Variants in KAZN observed in about 807,000 individuals in gnomAD.
The protein encoded by KAZN is kazrin.
Under a neutral mutation model 87.4 loss-of-function variants are expected in KAZN, and 40 were observed. That is an observed-to-expected ratio of 0.46 (90% confidence interval 0.36 to 0.60). The LOEUF (loss-of-function observed/expected upper bound fraction) is 0.60. KAZN is among the 20% of genes least tolerant of loss of function. The pLI is 0.00. For synonymous variants in KAZN, 466 were observed against 458.3 expected (o/e 1.02, Z -0.22); for missense variants, 898 against 1,073.9 (o/e 0.84, Z 2.29).
At chr1:14,988,680 G>A (rs7531035) in intron 2 of KAZN, among the ~76,000 whole-genome samples, 21,819 of 152,208 alleles carry the variant, frequency 0.14, 1,705 homozygotes, top group Middle Eastern at 0.17. Context: ...ATCTGTTTGG[G>A]CTGGGGCTGT....
intron 2 of KAZN, among the ~76,000 whole-genome samples, chr1:14,266,540 T>C (rs1303120131): frequency 3.3e-5 from 5 of 152,204 alleles, no homozygotes; most frequent in Non-Finnish European, 5.9e-5. Flanking sequence ...AATACCAAAT[T>C]GAAATAAATG....
rs148330510 is a variant in KAZN, at chr1:14,965,427, C to G, written c.418+4552C>G. Among the ~76,000 whole-genome samples, 350 of 152,204 alleles carry G rather than the reference C, an allele frequency of 2.3e-3. 2 individuals carry two copies. The highest frequency in any genetic ancestry group is 8.1e-3 in the African/African-American group (335 of 41,518). ...GGGGTGTCTGTTGATTTCCTCAGGC[C>G]TCCTCAATTTCATGATTTCTCCGCG... On this transcript the variant is annotated intron_variant, in intron 2 of 14. Coordinates refer to ENST00000376030, the MANE Select transcript of KAZN (RefSeq NM_201628.3).
At chr1:13,996,553 C>T (rs1639526453) in intron 1 of KAZN, among the ~76,000 whole-genome samples, 1 of 152,210 alleles carries the variant, frequency 6.6e-6, no homozygotes, top group South Asian at 2.1e-4. Flanking sequence ...CAAGATGTGT[C>T]TCCCACAGCC....
At chr1:14,425,944 GA>G (rs1665700452) in intron 2 of KAZN, among the ~76,000 whole-genome samples, 1 of 152,180 alleles carries the variant, frequency 6.6e-6, no homozygotes, top group Non-Finnish European at 1.5e-5. Flanking sequence ...CAACTTTCTA[GA>G]ACATTCTTTT....
chr1:14,399,330 A>G (rs988141647), intron 2 of KAZN, among the ~76,000 whole-genome samples: 3 of 152,282 alleles, frequency 2.0e-5, no homozygotes, highest in Admixed American at 6.5e-5. Flanking sequence ...AGATGTTTTG[A>G]TAACAGCTAA....
rs113750519 is a variant in KAZN at position 14,613,019 on chromosome 1, T to G, written c.226+13796T>G. On this transcript the variant is annotated intron_variant, in intron 1 of 14. Coordinates refer to ENST00000376030, the MANE Select transcript of KAZN (RefSeq NM_201628.3). ...TCCCAAAGACAAGATTGGGTATTTT[T>G]TTCCAGAACCCAGGTCTTTCTCCTG... Among the ~76,000 whole-genome samples, 278 of 152,338 alleles carry G rather than the reference T, an allele frequency of 1.8e-3. 2 individuals are homozygous for G. Among genetic ancestry groups the G allele is most frequent in the African/African-American group, 6.3e-3 (264 of 41,580 alleles).
At chr1:13,923,288 C>T (rs1477781895) in intron 1 of KAZN, among the ~76,000 whole-genome samples, 1 of 152,086 alleles carries the variant, frequency 6.6e-6, no homozygotes, top group Non-Finnish European at 1.5e-5. Context: ...AATATAATTA[C>T]CATGGCTGGG....
chr1:13,913,500 G>A (rs1482803785), intron 1 of KAZN, among the ~76,000 whole-genome samples: 2 of 152,180 alleles, frequency 1.3e-5, no homozygotes, highest in Non-Finnish European at 2.9e-5. Flanking sequence ...GATGGTGGGA[G>A]AGTTTGGGGC....
intron 1 of KAZN, among the ~76,000 whole-genome samples, chr1:14,752,493 G>A (rs1003793052): frequency 1.6e-4 from 25 of 152,174 alleles, no homozygotes; most frequent in African/African-American, 5.8e-4. Context: ...TGGAGGCTGG[G>A]AAGTCCAAGA....
chr1:14,306,951 A>G lies in KAZN; in HGVS notation c.249+126359A>G, dbSNP rs141500037. Among the ~76,000 whole-genome samples the G allele has an allele frequency of 4.8e-4, 73 of 152,244 alleles. No individual in the cohort carries two copies. The East Asian group carries it at 8.9e-3, about 19-fold the overall frequency. ...ACAAAATTTGATCTTCGTGTCCCCA[A>G]TCTTTCCATTTTATTTGATGTCATG... On this transcript the variant is annotated intron_variant, in intron 2 of 16. Coordinates refer to the KAZN transcript ENST00000636203.
chr1:14,308,204 T>C (rs1037339314), intron 2 of KAZN, among the ~76,000 whole-genome samples: 46 of 152,058 alleles, frequency 3.0e-4, no homozygotes, highest in Non-Finnish European at 5.6e-4. Flanking sequence ...GGAAAAAAAA[T>C]AGCTATATAG....
intron 1 of KAZN, among the ~76,000 whole-genome samples, chr1:13,979,205 A>T (rs1638535717): frequency 6.6e-6 from 1 of 152,160 alleles, no homozygotes; most frequent in Admixed American, 6.5e-5. Context: ...TCAGGGGGAA[A>T]CCCGTCCCCC....
Position 14,848,088 on chromosome 1 carries a change from A to G in KAZN, c.227-112596A>G, listed in dbSNP as rs910975425. ...GCATGAAAAACATGCAAATTTGAGG[A>G]CCAGGCAAGGGAGCGGCTCCCCACC... is the stretch of plus-strand genomic sequence containing the variant. On this transcript the variant is annotated intron_variant, in intron 1 of 14. Transcript: ENST00000376030. Among the ~76,000 whole-genome samples the G allele has an allele frequency of 3.3e-5, 5 of 152,240 alleles. No homozygotes were observed. In the South Asian group the frequency reaches 1.0e-3, roughly 32 times the overall value.
chr1:14,529,754 T>C (rs1464539799), intron 2 of KAZN, among the ~76,000 whole-genome samples: 1 of 152,170 alleles, frequency 6.6e-6, no homozygotes, highest in East Asian at 1.9e-4. Flanking sequence ...GCCTCACTGC[T>C]CATCCTTGCT....
intron 1 of KAZN, among the ~76,000 whole-genome samples, chr1:14,629,285 C>T (rs1205532550): frequency 6.6e-6 from 1 of 152,188 alleles, no homozygotes; most frequent in Non-Finnish European, 1.5e-5. Context: ...TTGTAAGAAA[C>T]ATGTTTTTCT....
At chr1:15,105,275 C>T (rs149364903) in intron 13 of KAZN, among the ~76,000 whole-genome samples, 10 of 152,322 alleles carry the variant, frequency 6.6e-5, no homozygotes, top group East Asian at 1.9e-4. Context: ...AATTCACCAG[C>T]GAAGCCATCT....
intron 1 of KAZN, among the ~76,000 whole-genome samples, chr1:13,972,530 A>T (rs1430710827): frequency 6.6e-6 from 1 of 152,110 alleles, no homozygotes; most frequent in Admixed American, 6.5e-5. Context: ...GAGCTCTATG[A>T]TCCATGATTG....
intron 1 of KAZN, among the ~76,000 whole-genome samples, chr1:14,617,609 G>C (rs770354054): frequency 6.6e-6 from 1 of 152,176 alleles, no homozygotes; most frequent in Non-Finnish European, 1.5e-5. Flanking sequence ...GTAAATATAC[G>C]TGAATCCCGG....
chr1:14,669,792 T>C (rs1639805126), intron 1 of KAZN, among the ~76,000 whole-genome samples: 1 of 152,134 alleles, frequency 6.6e-6, no homozygotes, highest in Non-Finnish European at 1.5e-5. Flanking sequence ...CGAGGCCCTG[T>C]GAACCTCGTC....
Sources: allele counts gnomAD v4.1 joint callset (sites outside exome capture counted in the v4.1 genomes callset), GRCh38; gene constraint gnomAD v4.1.1; transcripts MANE v1.5; gene names NCBI Gene and HGNC (gene_info 2026-07-23, HGNC 2026-07-21).